The following KPNA4 variants were observed in gnomAD, a reference collection of about 807,000 sequenced individuals.
KPNA4 encodes the protein importin subunit alpha-3.
In KPNA4, 13 loss-of-function variants were observed where a neutral mutation model predicts 71.3. The observed-to-expected ratio is 0.18, with a 90% confidence interval of 0.12 to 0.29. The LOEUF is 0.29. Among genes scored for constraint, KPNA4 ranks in the 10% least tolerant of loss-of-function variants. The pLI is 1.00. For missense variants in KPNA4, 334 were observed against 603.2 expected (o/e 0.55, Z 4.67); for synonymous variants, 189 against 195.2 (o/e 0.97, Z 0.26).
intron 15 of KPNA4, among the ~76,000 whole-genome samples, chr3:160,506,678 A>G (rs1720989564): frequency 6.6e-6 from 1 of 152,228 alleles, no homozygotes; most frequent in South Asian, 2.1e-4. Flanking sequence ...ACTTGAATGT[A>G]TAAAGATATT....
rs545115359 is a variant in KPNA4, at chr3:160,530,721, T to G, written c.469+134A>C. On this transcript the variant is annotated intron_variant, in intron 7 of 16. Coordinates refer to ENST00000334256, the MANE Select transcript of KPNA4 (RefSeq NM_002268.5). ...AGAAGATTAAAGTAACATACTTAAG[T>G]TGACCTATTTCAATAACTACGTAGT... 76 of 603,626 alleles carry G rather than the reference T, an allele frequency of 1.3e-4. No individual in the cohort carries two copies. The African/African-American group carries it at 1.4e-3, about 11-fold the overall frequency. 37.4% of individuals were successfully genotyped at this position (603,626 alleles called of 1,614,324 possible). A position where few individuals can be genotyped will look rare whatever the true frequency, so the allele number is the denominator to read the frequency against.
intron 10 of KPNA4, among the ~76,000 whole-genome samples, chr3:160,525,362 T>C (rs1026949545): frequency 7.0e-6 from 1 of 141,896 alleles, no homozygotes; most frequent in Admixed American, 7.1e-5. Flanking sequence ...TTTTTCATCT[T>C]TCAAAAAACA....
chr3:160,499,687 A>G lies in KPNA4; in HGVS notation c.*2417T>C, dbSNP rs897512810. On this transcript the variant is annotated 3_prime_UTR_variant, in exon 17 of 17. Transcript: ENST00000334256. ...TTAATATCACCCTTACCTATTTTCCATATCACTGTTCTATACAATAATTTG... is the reference window on the plus strand; with the variant it reads ...TTAATATCACCCTTACCTATTTTCCGTATCACTGTTCTATACAATAATTTG... 1 of 152,168 alleles carries G rather than the reference A, an allele frequency of 6.6e-6. No homozygotes were observed. Among genetic ancestry groups the G allele is most frequent in the Non-Finnish European group, 1.5e-5 (1 of 68,020 alleles). The allele number at this position is 152,168 out of a possible 1,614,324, so 9.4% of individuals were successfully genotyped here.
intron 11 of KPNA4, among the ~76,000 whole-genome samples, chr3:160,521,146 G>C (rs1448088574): frequency 6.6e-6 from 1 of 152,100 alleles, no homozygotes; most frequent in Non-Finnish European, 1.5e-5. Flanking sequence ...CTTGCCAGGT[G>C]AGTAAATAAG....
intron 1 of KPNA4, among the ~76,000 whole-genome samples, chr3:160,537,614 C>T (rs1027334129): frequency 6.7e-6 from 1 of 148,608 alleles, no homozygotes; most frequent in East Asian, 2.0e-4. Context: ...TATTACGTAG[C>T]GGTAACAACT....
At chr3:160,564,957 C>CGCGCCGGGCCGGCT in intron 1 of KPNA4, among the ~76,000 whole-genome samples, 1 of 147,064 alleles carries the variant, frequency 6.8e-6, no homozygotes, top group South Asian at 2.1e-4. Flanking sequence ...CCCTCGCACC[C>CGCGCCGGGCCGGCT]GCGCCGGGCC....
intron 1 of KPNA4, among the ~76,000 whole-genome samples, chr3:160,543,362 A>G (rs1721845134): frequency 1.3e-5 from 2 of 151,708 alleles, no homozygotes; most frequent in Non-Finnish European, 2.9e-5. Flanking sequence ...TTCCCCCGAG[A>G]CAGAATCTCA....
At chr3:160,557,127 T>TGA (rs1438962595) in intron 1 of KPNA4, among the ~76,000 whole-genome samples, 1 of 151,952 alleles carries the variant, frequency 6.6e-6, no homozygotes, top group Non-Finnish European at 1.5e-5. Context: ...GAACAAGGAG[T>TGA]GATGTTAACA....
intron 1 of KPNA4, among the ~76,000 whole-genome samples, chr3:160,560,439 C>G (rs995746482): frequency 5.9e-5 from 9 of 151,966 alleles, no homozygotes; most frequent in African/African-American, 2.2e-4. Context: ...GTACCAAAAT[C>G]AGAGATCAAG....
rs1474117583 is a variant in KPNA4 at position 160,499,596 on chromosome 3, T to TC, written c.*2507dup. 1.3e-5 allele frequency: 2 copies of TC among 152,108 alleles called. No homozygotes were observed. Among genetic ancestry groups the TC allele is most frequent in the Non-Finnish European group, 2.9e-5 (2 of 67,996 alleles). 9.4% of individuals were successfully genotyped at this position (152,108 alleles called of 1,614,324 possible). A position where few individuals can be genotyped will look rare whatever the true frequency, so the allele number is the denominator to read the frequency against. ...AGAATTTCTACTAGAAAATCAATGT[T>TC]CTATATTAGGCTATAGATGGAAATA... On this transcript the variant is annotated 3_prime_UTR_variant, in exon 17 of 17. Transcript: ENST00000334256.
chr3:160,565,074 G>C (rs1722317959), intron 1 of KPNA4, 140 bp downstream of exon 1: 1 of 675,010 alleles, frequency 1.5e-6, no homozygotes, highest in African/African-American at 1.9e-5. Flanking sequence ...TAGCAGAGGC[G>C]TCACAGACGG....
intron 1 of KPNA4, among the ~76,000 whole-genome samples, chr3:160,558,273 C>T (rs941581388): frequency 1.3e-5 from 2 of 152,126 alleles, no homozygotes; most frequent in African/African-American, 4.8e-5. Flanking sequence ...AATAAGAAGC[C>T]TTCCCAAATT....
In KPNA4 at chr3:160,538,787, A is replaced by T. The variant is rs551627681; in HGVS notation, c.70-1947T>A. ...TCTGCTATTTCTCGAACACACTGTAAAGTCTCTTGTAGCAAGGCCTTAACT... is the reference window on the plus strand; with the variant it reads ...TCTGCTATTTCTCGAACACACTGTATAGTCTCTTGTAGCAAGGCCTTAACT... On this transcript the variant is annotated intron_variant, in intron 1 of 16. Coordinates refer to ENST00000334256, the MANE Select transcript of KPNA4 (RefSeq NM_002268.5). 1.2e-4 allele frequency among the ~76,000 whole-genome samples: 18 copies of T among 152,216 alleles called. No individual in the cohort carries two copies. In the South Asian group the frequency reaches 3.5e-3, roughly 30 times the overall value.
chr3:160,524,951 A>G (rs1372688948), intron 10 of KPNA4, among the ~76,000 whole-genome samples: 1 of 152,244 alleles, frequency 6.6e-6, no homozygotes, highest in African/African-American at 2.4e-5. Context: ...TCACCATGCC[A>G]AACTGTTTTT....
intron 5 of KPNA4, among the ~76,000 whole-genome samples, chr3:160,534,355 T>TTTATTTATTTATTATTACTGAG (rs1721637507): frequency 6.6e-6 from 1 of 152,178 alleles, no homozygotes; most frequent in Non-Finnish European, 1.5e-5. Flanking sequence ...TATTTATTAA[T>TTTATTTATTTATTATTACTGAG]ACAAAGGTCT....
At chr3:160,556,854 A>G (rs1164955168) in intron 1 of KPNA4, among the ~76,000 whole-genome samples, 2 of 152,250 alleles carry the variant, frequency 1.3e-5, no homozygotes, top group Non-Finnish European at 2.9e-5. Flanking sequence ...CTGATCAACA[A>G]TGAACCCAAT....
At chr3:160,550,870 G>A (rs1333474831) in intron 1 of KPNA4, among the ~76,000 whole-genome samples, 1 of 152,128 alleles carries the variant, frequency 6.6e-6, no homozygotes, top group African/African-American at 2.4e-5. Flanking sequence ...CTTGGTCATG[G>A]TATGTGATCC....
At chr3:160,508,486 T>C (rs558042974) in intron 14 of KPNA4, among the ~76,000 whole-genome samples, 24 of 152,246 alleles carry the variant, frequency 1.6e-4, no homozygotes, top group African/African-American at 5.5e-4. Context: ...AAAGTTAAAA[T>C]AAAGGAATCA....
rs1721667439 is a variant in KPNA4 at position 160,535,371 on chromosome 3, AAATT to A, written c.287+138_287+141del. The A allele has an allele frequency of 1.7e-5, 9 of 514,716 alleles. 1 individual carries two copies. In the South Asian group the frequency reaches 4.1e-4, roughly 24 times the overall value. The allele number at this position is 514,716 out of a possible 1,614,324, so 31.9% of individuals were successfully genotyped here. A position where few individuals can be genotyped will look rare whatever the true frequency, so the allele number is the denominator to read the frequency against. On this transcript the variant is annotated intron_variant, in intron 5 of 16. Coordinates refer to ENST00000334256, the MANE Select transcript of KPNA4 (RefSeq NM_002268.5). ...TTCTAAACCACAGAATTAAAAAAATAAATTTAGTTGATCTATTACTATTTACTAT... is the reference window on the plus strand; with the variant it reads ...TTCTAAACCACAGAATTAAAAAAATATAGTTGATCTATTACTATTTACTAT...
Sources: allele counts gnomAD v4.1 joint callset (sites outside exome capture counted in the v4.1 genomes callset), GRCh38; gene constraint gnomAD v4.1.1; transcripts MANE v1.5; gene names NCBI Gene and HGNC (gene_info 2026-07-23, HGNC 2026-07-21).